The following ENPEP variants were observed in gnomAD, a reference collection of about 807,000 sequenced individuals.
ENPEP encodes glutamyl aminopeptidase.
Under a neutral mutation model 114.5 loss-of-function variants are expected in ENPEP, and 103 were observed. That is an observed-to-expected ratio of 0.90 (90% CI 0.77 to 1.06). The LOEUF (loss-of-function observed/expected upper bound fraction) is 1.06. Ranked by LOEUF, ENPEP falls within the 50% of genes least tolerant of loss-of-function variation. The pLI is 0.00. For missense variants in ENPEP, 1,196 were observed against 1,161.3 expected (o/e 1.03, Z -0.43); for synonymous variants, 420 against 422.0 (o/e 1.00, Z 0.06).
intron 4 of ENPEP, among the ~76,000 whole-genome samples, chr4:110,508,349 ATGAAAAATAT>A (rs1217498706): frequency 3.3e-5 from 5 of 152,010 alleles, no homozygotes; most frequent in Middle Eastern, 3.5e-3. Flanking sequence ...CCACAACATT[ATGAAAAATAT>A]TGGCCCTTGG....
Position 110,522,659 on chromosome 4 carries a change from A to T in ENPEP, c.1727+2293A>T, listed in dbSNP as rs560357146. ...TCACAAAATTTCAGAAAACAGAGAC[A>T]TAAGTTAGTGTGGCATTAGACTTCT... On this transcript the variant is annotated intron_variant, in intron 10 of 19. Coordinates refer to ENST00000265162, the MANE Select transcript of ENPEP (RefSeq NM_001977.4). Among the ~76,000 whole-genome samples the T allele has an allele frequency of 2.0e-5, 3 of 152,326 alleles. No individual in the cohort carries two copies. In the East Asian group the frequency reaches 5.8e-4, roughly 29 times the overall value.
intron 3 of ENPEP, among the ~76,000 whole-genome samples, chr4:110,497,663 G>A (rs573307347): frequency 2.6e-5 from 4 of 152,164 alleles, no homozygotes; most frequent in Admixed American, 2.0e-4. Flanking sequence ...GGTGAGTTCC[G>A]ACTCAGAGTC....
intron 1 of ENPEP, among the ~76,000 whole-genome samples, chr4:110,484,165 C>G (rs1223220441): frequency 2.6e-5 from 4 of 152,100 alleles, no homozygotes; most frequent in African/African-American, 7.2e-5. Flanking sequence ...GAGGTATATC[C>G]TAACCACATT....
intron 1 of ENPEP, among the ~76,000 whole-genome samples, chr4:110,484,337 T>C (rs1724421670): frequency 1.3e-5 from 2 of 152,178 alleles, no homozygotes; most frequent in Admixed American, 1.3e-4. Flanking sequence ...GATCACACTT[T>C]AGTAGCTGAA....
At position 110,561,399 on chromosome 4, in the gene ENPEP, T is replaced by G; in HGVS notation, c.2722-7T>G. 1 of 1,613,280 alleles carries G rather than the reference T, an allele frequency of 6.2e-7. No homozygotes were observed. On this transcript the variant is annotated splice_polypyrimidine_tract_variant and splice_region_variant and intron_variant, in intron 19 of 19. Transcript: ENST00000265162. ...GACAATCCTAATTACTCCCCTCTCT[T>G]TTCTAGATGGAGAGCTTTTTTGCAA...
Position 110,561,443 on chromosome 4 carries a change from C to G in ENPEP, c.2759C>G (p.Ala920Gly). 1.9e-6 allele frequency: 3 copies of G among 1,613,878 alleles called. No homozygotes were observed. In the South Asian group the frequency reaches 3.3e-5, roughly 18 times the overall value. The part of the protein sequence containing the change: ...SFFAKYPQAG[A>G]GEKPREQVLE... ...TTTGCAAAATATCCACAAGCTGGAG[C>G]AGGAGAAAAACCTAGGGAACAAGTG... Residue 920 changes from alanine (A) to glycine (G), a missense_variant, in exon 20 of 20, where the codon GCA becomes GGA. By Grantham distance (60) the Ala-to-Gly change is moderately conservative. Coordinates refer to ENST00000265162, the MANE Select transcript of ENPEP (RefSeq NM_001977.4).
At chr4:110,513,046 C>G (rs1725633800) in intron 6 of ENPEP, 1 of 156,366 alleles carries the variant, frequency 6.4e-6, no homozygotes, top group African/African-American at 2.4e-5. Flanking sequence ...TATGCAACCT[C>G]TCTTAATTCT....
At chr4:110,527,848 C>T (rs1285538853) in intron 10 of ENPEP, among the ~76,000 whole-genome samples, 1 of 152,068 alleles carries the variant, frequency 6.6e-6, no homozygotes, top group African/African-American at 2.4e-5. Flanking sequence ...AAGCCAAAGA[C>T]AGTCAACAAT....
rs374039030 is a variant in ENPEP at position 110,488,389 on chromosome 4, A to G, written c.645-152A>G. The G allele has an allele frequency of 4.7e-6, 5 of 1,056,494 alleles. No individual in the cohort carries two copies. In the African/African-American group the frequency reaches 8.2e-5, roughly 17 times the overall value. The allele number at this position is 1,056,494 out of a possible 1,614,324, so 65.4% of individuals were successfully genotyped here. A position where few individuals can be genotyped will look rare whatever the true frequency, so the allele number is the denominator to read the frequency against. ...TAAAAATTCCAGGAAAACCTTTGAC[A>G]AATATTTGATAGTCTTCTAGATGGA... On this transcript the variant is annotated intron_variant, in intron 1 of 19. Transcript: ENST00000265162.
chr4:110,478,953 A>G (rs1266870452), intron 1 of ENPEP, among the ~76,000 whole-genome samples: 1 of 152,234 alleles, frequency 6.6e-6, no homozygotes, highest in Non-Finnish European at 1.5e-5. Context: ...GCTGGGTCAA[A>G]GTGTACAAAT....
chr4:110,559,863 T>A (rs929550852), intron 19 of ENPEP, 138 bp downstream of exon 19: 12 of 665,164 alleles, frequency 1.8e-5, no homozygotes, highest in Middle Eastern at 2.9e-4. Flanking sequence ...GCCATGGTGG[T>A]TTGCTGCACC....
At chr4:110,554,930 A>G (rs189100827) in intron 18 of ENPEP, among the ~76,000 whole-genome samples, 17 of 152,140 alleles carry the variant, frequency 1.1e-4, no homozygotes, top group Admixed American at 3.3e-4. Flanking sequence ...TTGAGTAGCT[A>G]TGCTGTGATT....
At chr4:110,497,408 G>T (rs910064508) in intron 3 of ENPEP, among the ~76,000 whole-genome samples, 4 of 151,872 alleles carry the variant, frequency 2.6e-5, no homozygotes, top group African/African-American at 9.7e-5. Flanking sequence ...GATTGCTAAT[G>T]ATTCTTATTT....
chr4:110,490,007 T>C (rs956799821), intron 2 of ENPEP, among the ~76,000 whole-genome samples: 1 of 152,108 alleles, frequency 6.6e-6, no homozygotes, highest in Non-Finnish European at 1.5e-5. Context: ...TCTTCTAAGG[T>C]TTGATTGGAG....
intron 4 of ENPEP, among the ~76,000 whole-genome samples, chr4:110,508,693 C>T (rs1725463936): frequency 6.6e-6 from 1 of 152,134 alleles, no homozygotes; most frequent in Non-Finnish European, 1.5e-5. Flanking sequence ...CGCCTGTAGT[C>T]CCAGCTACTC....
chr4:110,565,160 C>T lies in ENPEP; in HGVS notation c.*3602C>T, dbSNP rs1280054818. The T allele has an allele frequency of 6.6e-6, 1 of 152,026 alleles. No homozygotes were observed. Among genetic ancestry groups the T allele is most frequent in the Admixed American group, 6.6e-5 (1 of 15,254 alleles). The allele number at this position is 152,026 out of a possible 1,614,324, so 9.4% of individuals were successfully genotyped here. On this transcript the variant is annotated 3_prime_UTR_variant, in exon 20 of 20. Transcript: ENST00000265162. ...TGCCTGTTTTTGTAAGGCCTGAAAG[C>T]TAAACATAGTTTTACATTTTTAGAT...
rs187042561 is a variant in ENPEP, at chr4:110,556,917, C to A, written c.2643-2730C>A. Among the ~76,000 whole-genome samples the A allele has an allele frequency of 2.4e-4, 37 of 152,266 alleles. No homozygotes were observed. In the East Asian group the frequency reaches 5.6e-3, roughly 23 times the overall value. Reference sequence around the variant, plus strand: ...TTGGGGATGCAGTAGTAAGGAGAAGCAGACCTGGTTCTCTGTCGTCATGAA... The same window carrying A: ...TTGGGGATGCAGTAGTAAGGAGAAGAAGACCTGGTTCTCTGTCGTCATGAA... On this transcript the variant is annotated intron_variant, in intron 18 of 19. Coordinates refer to ENST00000265162, the MANE Select transcript of ENPEP (RefSeq NM_001977.4).
At chr4:110,556,357 C>T (rs1157525334) in intron 18 of ENPEP, among the ~76,000 whole-genome samples, 1 of 151,848 alleles carries the variant, frequency 6.6e-6, no homozygotes, top group Non-Finnish European at 1.5e-5. Flanking sequence ...GAAATGGAAA[C>T]ATATTATAAA....
rs559498308 is a variant in ENPEP at position 110,545,107 on chromosome 4, AG to A, written c.2000+2042del. 2.2e-3 allele frequency among the ~76,000 whole-genome samples: 339 copies of A among 152,162 alleles called. 2 individuals carry two copies. Among genetic ancestry groups the A allele is most frequent in the East Asian group, 2.1e-3 (11 of 5,164 alleles). On this transcript the variant is annotated intron_variant, in intron 13 of 19. Transcript: ENST00000265162. ...TAAGACCATTATGAAACTTTGGTGG[AG>A]GGGGTGGAAGAGAGAAGAAATGCGT...
Sources: gnomAD v4.1 joint callset for allele counts (sites outside exome capture counted in the v4.1 genomes callset) on GRCh38, gnomAD v4.1.1 for gene constraint, MANE v1.5 for transcripts, NCBI Gene and HGNC (gene_info 2026-07-23, HGNC 2026-07-21) for gene names.